Variants in ALOX5AP observed in about 807,000 individuals in gnomAD.
The protein encoded by ALOX5AP is arachidonate 5-lipoxygenase-activating protein.
In ALOX5AP, 9 loss-of-function variants were observed where a neutral mutation model predicts 18.5. That is an observed-to-expected ratio of 0.49 (90% CI 0.29 to 0.85). ALOX5AP has a LOEUF of 0.85. Among genes scored for constraint, ALOX5AP ranks in the 40% least tolerant of loss-of-function variants. ALOX5AP has a pLI of 0.08. For missense variants in ALOX5AP, 172 were observed against 202.5 expected (o/e 0.85, Z 0.91); for synonymous variants, 81 against 78.6 (o/e 1.03, Z -0.16).
chr13:30,756,298 G>A (rs990805616), intron 4 of ALOX5AP, among the ~76,000 whole-genome samples: 1 of 152,164 alleles, frequency 6.6e-6, no homozygotes, highest in Admixed American at 6.5e-5. Flanking sequence ...TTTGCTGCAC[G>A]TGCCTTGCAG....
At chr13:30,734,242 G>A (rs1355168376), upstream of ALOX5AP, among the ~76,000 whole-genome samples, 2 of 152,146 alleles carry the variant, frequency 1.3e-5, no homozygotes, top group Non-Finnish European at 2.9e-5. Flanking sequence ...CTGGCTGCTG[G>A]CTTCCCCGCA....
chr13:30,742,399 C>T (rs772785897), intron 1 of ALOX5AP: 10 of 152,180 alleles, frequency 6.6e-5, no homozygotes, highest in Non-Finnish European at 1.5e-4. Context: ...AACACATCCC[C>T]ATATGCCCCG....
intron 1 of ALOX5AP, among the ~76,000 whole-genome samples, chr13:30,714,346 T>C (rs1048587190): frequency 1.8e-4 from 28 of 152,034 alleles, no homozygotes; most frequent in African/African-American, 6.5e-4. Context: ...AAAAGCTGTA[T>C]CTCTGTCCTC....
chr13:30,747,736 C>T (rs963929186), intron 2 of ALOX5AP, among the ~76,000 whole-genome samples: 6 of 151,956 alleles, frequency 3.9e-5, no homozygotes, highest in Admixed American at 1.3e-4. Flanking sequence ...CTTTTGAGGA[C>T]GTTTAAGGGT....
At chr13:30,742,921 C>T (rs1951779311) in intron 1 of ALOX5AP, among the ~76,000 whole-genome samples, 1 of 133,374 alleles carries the variant, frequency 7.5e-6, no homozygotes, top group Non-Finnish European at 1.6e-5. Context: ...GTCTCCTTGG[C>T]ATCTCTGACA....
upstream of ALOX5AP, among the ~76,000 whole-genome samples, chr13:30,733,996 C>T (rs1352187283): frequency 6.6e-6 from 1 of 152,182 alleles, no homozygotes; most frequent in African/African-American, 2.4e-5. Flanking sequence ...GACTGGTCTC[C>T]ACCAGCAGCT....
intron 2 of ALOX5AP, among the ~76,000 whole-genome samples, chr13:30,747,422 C>T (rs558613459): frequency 6.6e-5 from 10 of 152,352 alleles, no homozygotes; most frequent in South Asian, 6.2e-4. Context: ...ATCCACCCGC[C>T]TTGGCCCCTC....
intron 1 of ALOX5AP, among the ~76,000 whole-genome samples, chr13:30,741,377 A>G (rs956358391): frequency 7.0e-6 from 1 of 142,046 alleles, no homozygotes; most frequent in Non-Finnish European, 1.5e-5. Flanking sequence ...TAATCTCTAG[A>G]TTACTTGTTT....
In ALOX5AP at chr13:30,741,113, T is replaced by G. The variant is rs1951759840; in HGVS notation, c.71-2947T>G. Among the ~76,000 whole-genome samples the G allele has an allele frequency of 1.9e-4, 5 of 25,666 alleles. No homozygotes were observed. The East Asian group carries it at 9.0e-3, about 46-fold the overall frequency. 16.8% of individuals were successfully genotyped at this position (25,666 alleles called of 152,430 possible). On this transcript the variant is annotated intron_variant, in intron 1 of 4. Coordinates refer to ENST00000380490, the MANE Select transcript of ALOX5AP (RefSeq NM_001629.4). Reference sequence around the variant, plus strand: ...CACATCCTCCATATCCTTTTTTTTTTTTTTTTTTTTTTTTTTTTTTTTTTT... The same window carrying G: ...CACATCCTCCATATCCTTTTTTTTTGTTTTTTTTTTTTTTTTTTTTTTTTT...
chr13:30,744,274 C>G, intron 2 of ALOX5AP, 115 bp downstream of exon 2: 1 of 902,260 alleles, frequency 1.1e-6, no homozygotes, highest in Non-Finnish European at 1.7e-6. Flanking sequence ...TTTCTGAGCG[C>G]CAGGGAGGTG....
upstream of ALOX5AP, among the ~76,000 whole-genome samples, chr13:30,731,279 AC>A (rs1476605966): frequency 6.6e-6 from 1 of 152,096 alleles, no homozygotes; most frequent in Non-Finnish European, 1.5e-5. Context: ...CGGTAGCAGC[AC>A]GTAGGGTGAT....
At chr13:30,716,279 C>T (rs77404583) in intron 1 of ALOX5AP, among the ~76,000 whole-genome samples, 2,146 of 152,278 alleles carry the variant, frequency 0.014, 46 homozygotes, top group African/African-American at 0.047. Context: ...AAAGGGACAC[C>T]GGCCTCATAC....
chr13:30,720,804 A>G (rs999543436), intron 1 of ALOX5AP, among the ~76,000 whole-genome samples: 1 of 152,144 alleles, frequency 6.6e-6, no homozygotes, highest in Non-Finnish European at 1.5e-5. Flanking sequence ...ATGTTGCAAA[A>G]TTTTTGTCAA....
At chr13:30,723,997 C>T (rs1207748482) in intron 1 of ALOX5AP, among the ~76,000 whole-genome samples, 2 of 152,110 alleles carry the variant, frequency 1.3e-5, no homozygotes, top group Admixed American at 6.6e-5. Context: ...TTGACAAGTT[C>T]TGACAAATGT....
intron 1 of ALOX5AP, among the ~76,000 whole-genome samples, chr13:30,716,474 T>C (rs1951551097): frequency 6.6e-6 from 1 of 152,244 alleles, no homozygotes; most frequent in Admixed American, 6.5e-5. Flanking sequence ...AATCAGAATC[T>C]GCATTTTATC....
At chr13:30,741,655 C>T (rs867812064) in intron 1 of ALOX5AP, among the ~76,000 whole-genome samples, 3 of 149,410 alleles carry the variant, frequency 2.0e-5, no homozygotes, top group African/African-American at 4.9e-5. Flanking sequence ...GTGATCTACC[C>T]GCTTCAGCCT....
At chr13:30,747,944 G>A (rs1266457231) in intron 2 of ALOX5AP, among the ~76,000 whole-genome samples, 4 of 151,194 alleles carry the variant, frequency 2.6e-5, no homozygotes, top group African/African-American at 9.7e-5. Flanking sequence ...TTTTTGAGAT[G>A]GAGCTTCACT....
chr13:30,744,141 A>T lies in ALOX5AP; in HGVS notation c.152A>T (p.Glu51Val). The change falls in exon 2 of 5, where the codon GAG becomes GTG. Residue 51 changes from glutamate (E) to valine (V), a missense_variant. Transcript: ENST00000380490. ...SFQRTGTLAF[E>V]RVYTANQNCV... ...CAGAGGACCGGAACACTTGCCTTTGAGCGGGTCTACACTGCCAAGTGAGTC... is the reference window on the plus strand; with the variant it reads ...CAGAGGACCGGAACACTTGCCTTTGTGCGGGTCTACACTGCCAAGTGAGTC... The T allele has an allele frequency of 6.2e-7, 1 of 1,613,922 alleles. No homozygotes were observed. Among genetic ancestry groups the T allele is most frequent in the Non-Finnish European group, 8.5e-7 (1 of 1,179,900 alleles).
At chr13:30,731,924 G>A (rs557788730), upstream of ALOX5AP, among the ~76,000 whole-genome samples, 66 of 152,370 alleles carry the variant, frequency 4.3e-4, 1 homozygote, top group Non-Finnish European at 5.4e-4. Flanking sequence ...GGCTCTCCCG[G>A]TGCCCCTTGT....
Sources: allele counts gnomAD v4.1 joint callset (sites outside exome capture counted in the v4.1 genomes callset), GRCh38; gene constraint gnomAD v4.1.1; transcripts MANE v1.5; gene names NCBI Gene and HGNC (gene_info 2026-07-23, HGNC 2026-07-21).